WWTR1: variants seen among roughly 807,000 people sequenced by gnomAD.
WWTR1 encodes WW domain containing transcription regulator 1.
In WWTR1, 13 loss-of-function variants were observed where a neutral mutation model predicts 40.1. The ratio of observed to expected loss-of-function variants is 0.32; its 90% confidence interval spans 0.21 to 0.52. The LOEUF is 0.52. WWTR1 is among the 20% of genes least tolerant of loss of function. The pLI, the probability that WWTR1 is intolerant of heterozygous loss-of-function variation, is 0.97. For missense variants in WWTR1, 436 were observed against 523.1 expected, an observed-to-expected ratio of 0.83 and a Z score of 1.63; for synonymous variants, 230 against 210.1, an observed-to-expected ratio of 1.09 and a Z score of -0.82.
chr3:149,632,683 AT>A (rs1285114118), intron 2 of WWTR1, among the ~76,000 whole-genome samples: 1 of 152,234 alleles, frequency 6.6e-6, no homozygotes, highest in African/African-American at 2.4e-5. Context: ...GATAAACAAA[AT>A]GTGGTATATC....
intron 2 of WWTR1, among the ~76,000 whole-genome samples, chr3:149,605,476 T>C (rs1264103142): frequency 1.3e-5 from 2 of 151,968 alleles, no homozygotes; most frequent in African/African-American, 4.8e-5. Flanking sequence ...AAATAATGGG[T>C]GAGGCAGTAA....
chr3:149,638,843 C>T (rs897106982), intron 2 of WWTR1, among the ~76,000 whole-genome samples: 6 of 152,132 alleles, frequency 3.9e-5, no homozygotes, highest in African/African-American at 9.7e-5. Flanking sequence ...CTCAGCCGGC[C>T]GATGGGGAAA....
intron 2 of WWTR1, among the ~76,000 whole-genome samples, chr3:149,638,546 C>T (rs550734794): frequency 9.9e-4 from 150 of 152,192 alleles, no homozygotes; most frequent in Non-Finnish European, 2.0e-3. Context: ...AAAAATGACT[C>T]CTTTTCTCTT....
chr3:149,665,132 C>G (rs959972819), intron 2 of WWTR1, among the ~76,000 whole-genome samples: 1 of 151,720 alleles, frequency 6.6e-6, no homozygotes, highest in Non-Finnish European at 1.5e-5. Flanking sequence ...CAACAATATA[C>G]AGTATGGTTT....
intron 2 of WWTR1, among the ~76,000 whole-genome samples, chr3:149,644,357 G>A (rs76823279): frequency 0.036 from 5,492 of 152,156 alleles, 338 homozygotes; most frequent in African/African-American, 0.12. Context: ...TTCCAGAGTG[G>A]CAGAATATTC....
chr3:149,621,725 A>G (rs1393881742), intron 2 of WWTR1, among the ~76,000 whole-genome samples: 1 of 152,224 alleles, frequency 6.6e-6, no homozygotes, highest in East Asian at 1.9e-4. Flanking sequence ...CAGTTTTTAA[A>G]TAACTACATA....
intron 2 of WWTR1, among the ~76,000 whole-genome samples, chr3:149,595,354 C>T (rs1738947164): frequency 1.3e-5 from 2 of 151,686 alleles, no homozygotes; most frequent in South Asian, 4.2e-4. Flanking sequence ...TGAAAATGTT[C>T]AAAAACAAAA....
At chr3:149,563,174 C>G (rs1336620573) in intron 3 of WWTR1, among the ~76,000 whole-genome samples, 3 of 152,118 alleles carry the variant, frequency 2.0e-5, no homozygotes, top group Admixed American at 2.0e-4. Context: ...AGAAATTAGA[C>G]TCCATTACAA....
At chr3:149,664,194 A>G (rs948335645) in intron 2 of WWTR1, among the ~76,000 whole-genome samples, 2 of 152,264 alleles carry the variant, frequency 1.3e-5, no homozygotes, top group Non-Finnish European at 2.9e-5. Flanking sequence ...TTGCTGAACC[A>G]GTATGGAGAA....
At chr3:149,528,096 C>T (rs1460562121) in intron 4 of WWTR1, 127 bp from the exon 5 acceptor site, 2 of 1,191,454 alleles carry the variant, frequency 1.7e-6, no homozygotes, top group Non-Finnish European at 2.3e-6. Flanking sequence ...AAGTCAAAAT[C>T]ACCAGGCAAC....
intron 2 of WWTR1, among the ~76,000 whole-genome samples, chr3:149,595,129 T>G (rs1184039302): frequency 6.6e-6 from 1 of 151,674 alleles, no homozygotes; most frequent in East Asian, 1.9e-4. Context: ...GCCCAGCTAA[T>G]TTTAGTATTT....
intron 2 of WWTR1, among the ~76,000 whole-genome samples, chr3:149,627,711 T>C (rs1040320137): frequency 6.6e-6 from 1 of 152,156 alleles, no homozygotes; most frequent in African/African-American, 2.4e-5. Flanking sequence ...TCTCCTTATA[T>C]TTGTAGCCTG....
chr3:149,636,714 A>G (rs997099516), intron 2 of WWTR1, among the ~76,000 whole-genome samples: 1 of 152,192 alleles, frequency 6.6e-6, no homozygotes, highest in Non-Finnish European at 1.5e-5. Flanking sequence ...TAGAAATTTA[A>G]AAGAAAAAAA....
intron 2 of WWTR1, among the ~76,000 whole-genome samples, chr3:149,603,644 C>T (rs1739354459): frequency 6.6e-6 from 1 of 150,746 alleles, no homozygotes; most frequent in African/African-American, 2.4e-5. Flanking sequence ...CATTGGCATG[C>T]CCTAAAGCTG....
intron 2 of WWTR1, among the ~76,000 whole-genome samples, chr3:149,584,604 G>A (rs865774943): frequency 6.6e-6 from 1 of 152,204 alleles, no homozygotes. Flanking sequence ...GAAGGGGAGA[G>A]TGCTACTGGG....
intron 5 of WWTR1, among the ~76,000 whole-genome samples, chr3:149,709,090 C>T (rs776035288): frequency 1.3e-5 from 2 of 152,158 alleles, no homozygotes; most frequent in African/African-American, 2.4e-5. Flanking sequence ...ATCCTCCCAC[C>T]CCAGCCTCCT....
At position 149,657,086 on chromosome 3, in the gene WWTR1, G is replaced by T. The variant is rs1055153; in HGVS notation, c.221C>A (p.Pro74Gln). The change falls in exon 2 of 7, where the codon CCG (proline) becomes CAG (glutamine). Residue 74 changes from proline (P) to glutamine (Q), a missense_variant. Pro to Gln is a moderately conservative substitution (Grantham distance 76). Transcript: ENST00000360632. The stretch of plus-strand genomic sequence containing the variant: ...GGCACCCCCAGCCAGTCGAGGCCCC[G>T]GGTGGCCGCCCGACGAGTCGGTGCT... ...QSSTDSSGGH[P>Q]GPRLAGGAQH... 0.071 allele frequency: 111,275 copies of T among 1,570,780 alleles called. 4,247 individuals are homozygous for T. The highest frequency in any genetic ancestry group is 0.11 in the East Asian group (4,673 of 43,248).
At chr3:149,700,594 AAAATTAAATT>A (rs147804619) in intron 1 of WWTR1, among the ~76,000 whole-genome samples, 4 of 151,780 alleles carry the variant, frequency 2.6e-5, no homozygotes, top group South Asian at 2.1e-4. Flanking sequence ...AAAAGACAAA[AAAATTAAATT>A]AAATTAAATT....
chr3:149,561,452 A>G (rs1737073612), intron 3 of WWTR1, among the ~76,000 whole-genome samples: 1 of 152,236 alleles, frequency 6.6e-6, no homozygotes, highest in African/African-American at 2.4e-5. Context: ...AGGGGTGTCA[A>G]TTGGTATACC....
Sources: gnomAD v4.1 joint callset for allele counts (sites outside exome capture counted in the v4.1 genomes callset) on GRCh38, gnomAD v4.1.1 for gene constraint, MANE v1.5 for transcripts, NCBI Gene and HGNC (gene_info 2026-07-23, HGNC 2026-07-21) for gene names.